Variants in TRMT11 observed in about 807,000 individuals in gnomAD.
TRMT11 encodes tRNA methyltransferase 11.
TRMT11 carries 53 observed loss-of-function variants against 62.8 expected under a neutral mutation model. That is an observed-to-expected ratio of 0.84 (90% CI 0.68 to 1.06). The LOEUF is 1.06. Among genes scored for constraint, TRMT11 ranks in the 50% least tolerant of loss-of-function variants. TRMT11 has a pLI of 0.00. For missense variants in TRMT11, 556 were observed against 553.4 expected (o/e 1.00, Z -0.05); for synonymous variants, 188 against 190.3 (o/e 0.99, Z 0.10).
At chr6:126,210,140 A>C in the TRMT11 span, among the ~76,000 whole-genome samples, 1 of 152,274 alleles carries the variant, frequency 6.6e-6, no homozygotes, top group East Asian at 1.9e-4. Context: ...ATTTTTTGTT[A>C]ATCAAAAGGG....
chr6:126,146,602 C>T (rs1231627196), intron 21 of TRMT11, among the ~76,000 whole-genome samples: 1 of 151,952 alleles, frequency 6.6e-6, no homozygotes, highest in Non-Finnish European at 1.5e-5. Context: ...ACTGCAACCT[C>T]CACCTCCCAG....
the TRMT11 span, among the ~76,000 whole-genome samples, chr6:126,236,831 A>G: frequency 6.6e-6 from 1 of 152,132 alleles, no homozygotes; most frequent in Non-Finnish European, 1.5e-5. Flanking sequence ...CCATGGAGAT[A>G]TCATTTGGGA....
At chr6:126,101,491 A>G (rs183383674) in intron 17 of TRMT11, among the ~76,000 whole-genome samples, 2 of 152,270 alleles carry the variant, frequency 1.3e-5, no homozygotes, top group African/African-American at 4.8e-5. Context: ...CAATGTGCAG[A>G]GAGGTTATGC....
chr6:126,196,686 A>T (rs903739080), intron 1 of TRMT11, among the ~76,000 whole-genome samples: 3 of 152,092 alleles, frequency 2.0e-5, no homozygotes, highest in African/African-American at 7.2e-5. Flanking sequence ...GTAAAAGTAC[A>T]TACTTCATTA....
chr6:126,017,912 C>G (rs960788476), intron 11 of TRMT11, among the ~76,000 whole-genome samples: 2 of 152,160 alleles, frequency 1.3e-5, no homozygotes, highest in African/African-American at 4.8e-5. Flanking sequence ...TCATAGGAGC[C>G]AGTGTGCTAC....
chr6:126,089,881 T>C (rs774636262), intron 17 of TRMT11, among the ~76,000 whole-genome samples: 24 of 152,250 alleles, frequency 1.6e-4, no homozygotes, highest in South Asian at 1.4e-3. Context: ...GTGGTGCTAA[T>C]GCACAGTTTA....
the TRMT11 span, among the ~76,000 whole-genome samples, chr6:126,232,543 A>C: frequency 6.6e-6 from 1 of 152,302 alleles, no homozygotes; most frequent in South Asian, 2.1e-4. Context: ...AACAAAAATG[A>C]CTGCTTGGGC....
intron 1 of TRMT11, among the ~76,000 whole-genome samples, chr6:126,192,341 T>G (rs775644428): frequency 6.6e-6 from 1 of 152,146 alleles, no homozygotes; most frequent in Non-Finnish European, 1.5e-5. Context: ...AGTTTTTTGG[T>G]GAAGGCTTTA....
exon 17 of TRMT11, among the ~76,000 whole-genome samples, chr6:126,053,189 A>G (rs1056541882): frequency 3.3e-5 from 5 of 152,008 alleles, no homozygotes; most frequent in Non-Finnish European, 5.9e-5. Context: ...TGAAACAAAG[A>G]GGTAAGTAGT....
Position 126,003,335 on chromosome 6 carries a change from A to G in TRMT11, c.679+3722A>G, listed in dbSNP as rs191670674. ...TGTATTTTATGTACAGCCCAAGACA[A>G]TTCTTCTTCGAATGTGGCCCAGGAA... On this transcript the variant is annotated intron_variant, in intron 7 of 12. Transcript: ENST00000334379. 3.1e-3 allele frequency among the ~76,000 whole-genome samples: 470 copies of G among 152,202 alleles called. 2 individuals are homozygous for G. The highest frequency in any genetic ancestry group is 0.011 in the African/African-American group (450 of 41,524).
At chr6:126,008,678 G>A (rs1312141280) in intron 8 of TRMT11, 4 of 693,016 alleles carry the variant, frequency 5.8e-6, no homozygotes, top group Non-Finnish European at 1.1e-5. Context: ...TGAAGGTGAT[G>A]AGGATGAAGA....
intron 21 of TRMT11, among the ~76,000 whole-genome samples, chr6:126,155,882 G>A (rs1465477582): frequency 2.6e-5 from 4 of 151,864 alleles, no homozygotes; most frequent in Non-Finnish European, 1.5e-5. Flanking sequence ...CACCATGCCC[G>A]GGTAATTTTT....
intron 11 of TRMT11, among the ~76,000 whole-genome samples, chr6:126,019,427 T>G (rs549563941): frequency 6.6e-6 from 1 of 152,264 alleles, no homozygotes; most frequent in Admixed American, 6.5e-5. Context: ...GTACCTTGGA[T>G]TTGATTGATA....
intron 21 of TRMT11, among the ~76,000 whole-genome samples, chr6:126,161,994 C>T (rs1317467327): frequency 6.6e-6 from 1 of 152,212 alleles, no homozygotes; most frequent in Non-Finnish European, 1.5e-5. Flanking sequence ...CAAAAATTTT[C>T]TCCCATTCTG....
intron 17 of TRMT11, among the ~76,000 whole-genome samples, chr6:126,105,579 A>G (rs919043477): frequency 1.3e-5 from 2 of 151,328 alleles, no homozygotes; most frequent in African/African-American, 4.9e-5. Context: ...CAGAGCATGC[A>G]TGATCTTTAA....
At chr6:126,042,592 C>T (rs1775911214), downstream of TRMT11, among the ~76,000 whole-genome samples, 1 of 152,158 alleles carries the variant, frequency 6.6e-6, no homozygotes, top group East Asian at 1.9e-4. Context: ...AATCATGTTG[C>T]AGTCATGCCA....
the TRMT11 span, among the ~76,000 whole-genome samples, chr6:126,261,634 G>A: frequency 2.0e-5 from 3 of 152,180 alleles, no homozygotes; most frequent in Non-Finnish European, 2.9e-5. Context: ...AGTGAGGTAC[G>A]GTGCATTGAC....
At chr6:126,009,209 T>C (rs1332372945) in intron 8 of TRMT11, 1 of 152,252 alleles carries the variant, frequency 6.6e-6, no homozygotes, top group African/African-American at 2.4e-5. Flanking sequence ...ACTGGATTAA[T>C]AACTAGTCTT....
intron 17 of TRMT11, among the ~76,000 whole-genome samples, chr6:126,067,894 T>TG (rs1322569169): frequency 1.3e-5 from 2 of 152,208 alleles, no homozygotes; most frequent in African/African-American, 4.8e-5. Flanking sequence ...ACACTACTTT[T>TG]GCTTGTGTTT....
Sources: gnomAD v4.1 joint callset for allele counts (sites outside exome capture counted in the v4.1 genomes callset) on GRCh38, gnomAD v4.1.1 for gene constraint, MANE v1.5 for transcripts, NCBI Gene and HGNC (gene_info 2026-07-23, HGNC 2026-07-21) for gene names.